The following TBC1D8 variants were observed in gnomAD, a reference collection of about 807,000 sequenced individuals.
The protein encoded by TBC1D8 is BUB2-like protein 1.
In TBC1D8, 65 loss-of-function variants were observed where a neutral mutation model predicts 118.8. That is an observed-to-expected ratio of 0.55 (90% CI 0.45 to 0.67). The LOEUF (loss-of-function observed/expected upper bound fraction) is 0.67. Among genes scored for constraint, TBC1D8 ranks in the 30% least tolerant of loss-of-function variants. The pLI is 0.00. For missense variants in TBC1D8, 1,376 were observed against 1,471.2 expected (o/e 0.94, Z 1.06); for synonymous variants, 566 against 595.8 (o/e 0.95, Z 0.73).
intron 15 of TBC1D8, among the ~76,000 whole-genome samples, 192 bp from the exon 16 acceptor site, chr2:101,022,713 T>G (rs1680114529): frequency 6.6e-6 from 1 of 152,236 alleles, no homozygotes; most frequent in Admixed American, 6.5e-5. Context: ...TTATTAAGGT[T>G]TTTTTCTTTC....
chr2:101,012,178 A>C (rs1372053501), intron 17 of TBC1D8, among the ~76,000 whole-genome samples: 1 of 152,354 alleles, frequency 6.6e-6, no homozygotes, highest in East Asian at 1.9e-4. Context: ...AGTTAAAGTT[A>C]CCATTTGACT....
At chr2:101,114,809 T>C (rs1677746622) in intron 1 of TBC1D8, among the ~76,000 whole-genome samples, 1 of 152,230 alleles carries the variant, frequency 6.6e-6, no homozygotes, top group African/African-American at 2.4e-5. Context: ...CATATGGGAA[T>C]TTAACCATTA....
intron 1 of TBC1D8, among the ~76,000 whole-genome samples, chr2:101,091,906 A>C (rs1676060218): frequency 6.6e-6 from 1 of 152,218 alleles, no homozygotes; most frequent in Non-Finnish European, 1.5e-5. Context: ...CTCAAGTGTA[A>C]AGAAAAACTG....
At chr2:101,136,776 T>C (rs1427477833) in intron 1 of TBC1D8, among the ~76,000 whole-genome samples, 2 of 152,234 alleles carry the variant, frequency 1.3e-5, no homozygotes, top group Non-Finnish European at 2.9e-5. Context: ...TCACGAGCTA[T>C]ACATTCTGTA....
intron 1 of TBC1D8, among the ~76,000 whole-genome samples, chr2:101,114,530 T>C (rs890565949): frequency 6.6e-6 from 1 of 152,234 alleles, no homozygotes; most frequent in African/African-American, 2.4e-5. Flanking sequence ...TGGATTCTGA[T>C]CTTGAAATCC....
intron 1 of TBC1D8, among the ~76,000 whole-genome samples, chr2:101,130,014 T>A (rs951807454): frequency 2.0e-5 from 3 of 152,046 alleles, no homozygotes; most frequent in Non-Finnish European, 4.4e-5. Flanking sequence ...AGCTTGTTCA[T>A]CTGTAAAAAG....
chr2:101,026,805 T>C (rs1053081233), intron 15 of TBC1D8, among the ~76,000 whole-genome samples: 2 of 152,162 alleles, frequency 1.3e-5, no homozygotes, highest in Admixed American at 6.5e-5. Context: ...CAGGTAAATA[T>C]CCAAATATTA....
intron 2 of TBC1D8, among the ~76,000 whole-genome samples, chr2:101,079,013 G>A (rs1016651209): frequency 2.6e-5 from 4 of 152,204 alleles, no homozygotes; most frequent in Admixed American, 2.6e-4. Context: ...GGAGAGACCA[G>A]AGTAGGCAGG....
chr2:101,066,343 G>T (rs547442817), intron 2 of TBC1D8, among the ~76,000 whole-genome samples: 9 of 151,914 alleles, frequency 5.9e-5, no homozygotes, highest in Admixed American at 1.3e-4. Flanking sequence ...AATGGTAGAA[G>T]AAGGTACAGG....
intron 1 of TBC1D8, among the ~76,000 whole-genome samples, chr2:101,125,298 GT>G (rs1678303979): frequency 6.6e-6 from 1 of 151,830 alleles, no homozygotes; most frequent in Non-Finnish European, 1.5e-5. Flanking sequence ...AAGAAAAATA[GT>G]TTAAAAAAAA....
chr2:101,039,808 C>CT (rs976461921), intron 6 of TBC1D8, among the ~76,000 whole-genome samples: 6 of 149,580 alleles, frequency 4.0e-5, no homozygotes, highest in African/African-American at 7.4e-5. Context: ...TTTTTCCTTT[C>CT]TTTTTTTTGG....
rs528429015 is a variant in TBC1D8, at chr2:101,063,188, T to C, written c.284-3649A>G. ...CATGCGTCTTCCTCAATGATAACTT[T>C]AGATAACGTGAATAAATTATCATCA... On this transcript the variant is annotated intron_variant, in intron 2 of 19. Coordinates refer to ENST00000409318, the MANE Select transcript of TBC1D8 (RefSeq NM_001330348.2). Among the ~76,000 whole-genome samples, 4 of 152,316 alleles carry C rather than the reference T, an allele frequency of 2.6e-5. No homozygotes were observed. The South Asian group carries it at 8.3e-4, about 32-fold the overall frequency.
At chr2:101,150,978 A>T in intron 1 of TBC1D8, 149 bp downstream of exon 1, 1 of 504,458 alleles carries the variant, frequency 2.0e-6, no homozygotes, top group Non-Finnish European at 2.6e-6. Flanking sequence ...CGCAGAAAAA[A>T]GGAAAACAAG....
At chr2:101,044,643 C>T (rs1681589591) in intron 5 of TBC1D8, among the ~76,000 whole-genome samples, 3 of 152,208 alleles carry the variant, frequency 2.0e-5, no homozygotes, top group East Asian at 1.9e-4. Context: ...GAGACCATCC[C>T]AGCTACCCCA....
chr2:101,102,003 T>A (rs908988698), intron 1 of TBC1D8, among the ~76,000 whole-genome samples: 5 of 147,860 alleles, frequency 3.4e-5, no homozygotes, highest in African/African-American at 1.0e-4. Flanking sequence ...TGCACATGTA[T>A]CCTGTTTTGT....
chr2:101,090,362 G>A lies in TBC1D8; in HGVS notation c.130C>T (p.Arg44Cys), dbSNP rs775313531. 2.9e-5 allele frequency: 47 copies of A among 1,613,740 alleles called. No homozygotes were observed. The highest frequency in any genetic ancestry group is 1.7e-4 in the Middle Eastern group (1 of 6,052). Residue 44 changes from arginine to cysteine, a missense_variant and splice_region_variant, in exon 2 of 20, where the codon CGC becomes TGC. Arg to Cys is a radical substitution (Grantham distance 180). Coordinates refer to ENST00000409318, the MANE Select transcript of TBC1D8 (RefSeq NM_001330348.2). Reference sequence around the variant, plus strand: ...ACTGCATCCAGAGCGCCGACCAGGCGACCTTCAAAAGAAAAGAGAAGAAAG... The same window carrying A: ...ACTGCATCCAGAGCGCCGACCAGGCAACCTTCAAAAGAAAAGAGAAGAAAG... ...HGEGGGRLTGRLVGALDAVLD... is the reference protein window; with the variant it reads ...HGEGGGRLTGCLVGALDAVLD...
At chr2:101,011,196 G>A (rs1679182017) in intron 18 of TBC1D8, 170 bp from the exon 19 acceptor site, 8 of 721,028 alleles carry the variant, frequency 1.1e-5, no homozygotes, top group Non-Finnish European at 4.5e-6. Flanking sequence ...TGGTAACTGG[G>A]GGACTTCTGC....
Position 101,054,091 on chromosome 2 carries a change from T to C in TBC1D8, c.631+17A>G. ...GGGCCAACTTTATCTTGGAAGAGCC[T>C]GCCAGGCCTCACTTACGTTCCTTGC... On this transcript the variant is annotated intron_variant, in intron 4 of 19. Coordinates refer to ENST00000409318, the MANE Select transcript of TBC1D8 (RefSeq NM_001330348.2). 2.5e-6 allele frequency: 4 copies of C among 1,598,054 alleles called. No individual in the cohort carries two copies. Among genetic ancestry groups the C allele is most frequent in the Non-Finnish European group, 3.4e-6 (4 of 1,170,950 alleles).
intron 1 of TBC1D8, among the ~76,000 whole-genome samples, chr2:101,114,362 G>C (rs927318685): frequency 1.3e-5 from 2 of 152,042 alleles, no homozygotes; most frequent in Non-Finnish European, 2.9e-5. Context: ...TTATCGGTTC[G>C]CAACACCTGG....
Sources: gnomAD v4.1 joint callset for allele counts (sites outside exome capture counted in the v4.1 genomes callset) on GRCh38, gnomAD v4.1.1 for gene constraint, MANE v1.5 for transcripts, NCBI Gene and HGNC (gene_info 2026-07-23, HGNC 2026-07-21) for gene names.